The following RMDN2 variants were observed in gnomAD, a reference collection of about 807,000 sequenced individuals.
The protein encoded by RMDN2 is regulator of microtubule dynamics 2.
In RMDN2, 61 loss-of-function variants were observed where a neutral mutation model predicts 52.8. That is an observed-to-expected ratio of 1.16 (90% CI 0.94 to 1.43). The LOEUF is 1.43. Among genes scored for constraint, RMDN2 ranks in the 40% most tolerant of loss-of-function variants. RMDN2 has a pLI of 0.00. For synonymous variants in RMDN2, 180 were observed against 153.1 expected, an observed-to-expected ratio of 1.18 and a Z score of -1.30; for missense variants, 592 against 475.3, an observed-to-expected ratio of 1.25 and a Z score of -2.28.
At chr2:38,034,705 A>G (rs1014186588) in intron 10 of RMDN2, among the ~76,000 whole-genome samples, 1 of 151,400 alleles carries the variant, frequency 6.6e-6, no homozygotes. Context: ...TCATCCCCTA[A>G]TATATTTATA....
intron 2 of RMDN2, among the ~76,000 whole-genome samples, chr2:37,960,443 T>G (rs144506512): frequency 2.6e-4 from 40 of 152,310 alleles, no homozygotes; most frequent in African/African-American, 8.2e-4. Flanking sequence ...GTCTGTTTTA[T>G]CAGAGACTAG....
At chr2:38,023,549 C>T (rs1679549167) in intron 10 of RMDN2, among the ~76,000 whole-genome samples, 1 of 151,994 alleles carries the variant, frequency 6.6e-6, no homozygotes, top group Admixed American at 6.6e-5. Context: ...GGTAGTGAAG[C>T]CTGTTTTTAA....
downstream of RMDN2, among the ~76,000 whole-genome samples, chr2:38,019,229 C>G (rs1679154386): frequency 6.6e-6 from 1 of 152,208 alleles, no homozygotes; most frequent in Admixed American, 6.5e-5. Flanking sequence ...TTTGTGGGAG[C>G]AACTCATTCC....
chr2:37,952,534 G>T (rs1290450766), intron 2 of RMDN2: 1 of 397,430 alleles, frequency 2.5e-6, no homozygotes, highest in Non-Finnish European at 4.5e-6. Context: ...TTGATGTATG[G>T]ACTTTCTAAA....
At chr2:37,925,034 C>A (rs1666154135), upstream of RMDN2, among the ~76,000 whole-genome samples, 1 of 152,148 alleles carries the variant, frequency 6.6e-6, no homozygotes, top group South Asian at 2.1e-4. Flanking sequence ...GGCAGCAACG[C>A]GAGAGGGAAC....
At chr2:37,932,798 G>A (rs1381893494) in intron 2 of RMDN2, among the ~76,000 whole-genome samples, 4 of 130,918 alleles carry the variant, frequency 3.1e-5, no homozygotes, top group African/African-American at 8.4e-5. Flanking sequence ...CGGACGGGGC[G>A]GCTGGCTGGG....
chr2:38,046,409 G>T (rs1042056509), intron 10 of RMDN2, among the ~76,000 whole-genome samples: 1 of 152,004 alleles, frequency 6.6e-6, no homozygotes, highest in African/African-American at 2.4e-5. Flanking sequence ...AAAACTGAGT[G>T]GAGATAGCAG....
At chr2:37,925,621 C>T (rs375981363) in intron 1 of RMDN2, among the ~76,000 whole-genome samples, 196 bp downstream of exon 1, 131 of 152,356 alleles carry the variant, frequency 8.6e-4, no homozygotes, top group African/African-American at 2.7e-3. Flanking sequence ...TAGTGGCTTC[C>T]CGGGTTCATC....
At chr2:38,017,972 C>T (rs57749397), downstream of RMDN2, among the ~76,000 whole-genome samples, 8,233 of 152,208 alleles carry the variant, frequency 0.054, 767 homozygotes, top group African/African-American at 0.19. Flanking sequence ...ATTGCAGGAG[C>T]TTTTGAGCCA....
chr2:38,060,119 T>TTTTATTTTA lies in RMDN2; in HGVS notation c.1714-6860_1714-6859insATTTTATTT, dbSNP rs1412485858. 1.1e-3 allele frequency among the ~76,000 whole-genome samples: 148 copies of TTTTATTTTA among 132,488 alleles called. 1 individual carries two copies. Among genetic ancestry groups the TTTTATTTTA allele is most frequent in the African/African-American group, 5.2e-3 (141 of 27,144 alleles). The allele number at this position is 132,488 out of a possible 152,430, so 86.9% of individuals were successfully genotyped here. A position where few individuals can be genotyped will look rare whatever the true frequency, so the allele number is the denominator to read the frequency against. On this transcript the variant is annotated intron_variant, in intron 10 of 10. Coordinates refer to the RMDN2 transcript ENST00000234195. ...TTTTATTTTATTTTATTTTATTTTA[T>TTTTATTTTA]TTTTTTTAGTAGAGACAGGATTTCA... is the stretch of plus-strand genomic sequence containing the variant.
chr2:38,043,645 T>C (rs1681097479), intron 10 of RMDN2, among the ~76,000 whole-genome samples: 1 of 152,132 alleles, frequency 6.6e-6, no homozygotes, highest in African/African-American at 2.4e-5. Context: ...CTTTACTATA[T>C]TATAATTCTT....
At chr2:38,050,712 A>G (rs185682560) in intron 10 of RMDN2, among the ~76,000 whole-genome samples, 2 of 152,302 alleles carry the variant, frequency 1.3e-5, no homozygotes, top group Admixed American at 6.5e-5. Flanking sequence ...ACAAAGAACA[A>G]TCTCATTACA....
chr2:38,051,266 GA>G, intron 10 of RMDN2, among the ~76,000 whole-genome samples: 1 of 25,728 alleles, frequency 3.9e-5, no homozygotes, highest in East Asian at 0.016. Flanking sequence ...GAGTGTTTAA[GA>G]GAGGTAGTAC....
rs186252300 is a variant in RMDN2 at position 37,973,879 on chromosome 2, G to T, written c.453-161G>T. Among the ~76,000 whole-genome samples the T allele has an allele frequency of 8.5e-5, 13 of 152,262 alleles. No individual in the cohort carries two copies. The East Asian group carries it at 9.6e-4, about 11-fold the overall frequency. On this transcript the variant is annotated intron_variant, in intron 2 of 10. Coordinates refer to ENST00000354545, the MANE Select transcript of RMDN2 (RefSeq NM_001170791.3). ...TCGTGGGCAAATTGCGCAGGGACTT[G>T]TAGACTTCTGTTAGGACTGGAGCTT...
intron 10 of RMDN2, among the ~76,000 whole-genome samples, chr2:38,015,177 G>A (rs17490331): frequency 0.13 from 19,266 of 152,130 alleles, 1,422 homozygotes; most frequent in Non-Finnish European, 0.16. Flanking sequence ...ATCTGTCTGG[G>A]TTCTGCCCTT....
Position 38,011,847 on chromosome 2 carries a change from G to A in RMDN2, c.1180-5339G>A, listed in dbSNP as rs553570025. Among the ~76,000 whole-genome samples the A allele has an allele frequency of 2.6e-5, 4 of 152,270 alleles. No individual in the cohort carries two copies. In the East Asian group the frequency reaches 7.7e-4, roughly 29 times the overall value. ...AAAGCTCGGTTTGCCTGGAGCAAAA[G>A]GAATGTGCCCACTTTCCCCCGGACC... On this transcript the variant is annotated intron_variant, in intron 10 of 10. Coordinates refer to ENST00000354545, the MANE Select transcript of RMDN2 (RefSeq NM_001170791.3).
chr2:37,958,904 C>A (rs950825645), intron 2 of RMDN2, among the ~76,000 whole-genome samples: 1 of 150,262 alleles, frequency 6.7e-6, no homozygotes, highest in African/African-American at 2.5e-5. Flanking sequence ...ATCAATAGAT[C>A]ATCTCATTGG....
intron 10 of RMDN2, among the ~76,000 whole-genome samples, chr2:38,058,538 C>A (rs962721229): frequency 1.3e-5 from 2 of 152,154 alleles, no homozygotes; most frequent in African/African-American, 4.8e-5. Flanking sequence ...GGCTGCTTGT[C>A]CCAAGGCAAA....
chr2:38,047,713 T>C (rs578244712), intron 10 of RMDN2, among the ~76,000 whole-genome samples: 3 of 152,350 alleles, frequency 2.0e-5, no homozygotes, highest in African/African-American at 7.2e-5. Context: ...AGTTTGACTT[T>C]CTATATTTTA....
Sources: gnomAD v4.1 joint callset for allele counts (sites outside exome capture counted in the v4.1 genomes callset) on GRCh38, gnomAD v4.1.1 for gene constraint, MANE v1.5 for transcripts, NCBI Gene and HGNC (gene_info 2026-07-23, HGNC 2026-07-21) for gene names.